The following RAB40C variants were observed in gnomAD, a reference collection of about 807,000 sequenced individuals.
RAB40C encodes the protein ras-related protein Rab-40C.
Under a neutral mutation model 28.1 loss-of-function variants are expected in RAB40C, and 8 were observed. The observed-to-expected ratio is 0.28, with a 90% CI of 0.17 to 0.51. RAB40C has a LOEUF of 0.51. Ranked by LOEUF, RAB40C falls within the 20% of genes least tolerant of loss-of-function variation. The pLI is 0.97. For synonymous variants in RAB40C, 201 were observed against 171.7 expected, an observed-to-expected ratio of 1.17 and a Z score of -1.34; for missense variants, 288 against 405.9, an observed-to-expected ratio of 0.71 and a Z score of 2.50.
At chr16:622,382 C>T (rs937498244) in intron 3 of RAB40C, among the ~76,000 whole-genome samples, 10 of 152,052 alleles carry the variant, frequency 6.6e-5, no homozygotes, top group East Asian at 1.9e-4. Context: ...ACCCCGCCCG[C>T]GAGGCATGAG....
chr16:595,062 A>G (rs56311902), intron 1 of RAB40C, among the ~76,000 whole-genome samples: 2 of 151,522 alleles, frequency 1.3e-5, no homozygotes, highest in Non-Finnish European at 2.9e-5. Context: ...CAAGTGATCC[A>G]CCTGCCTCGG....
chr16:618,354 A>C, intron 3 of RAB40C, 94 bp downstream of exon 3: 1 of 1,260,746 alleles, frequency 7.9e-7, no homozygotes, highest in Non-Finnish European at 1.1e-6. Context: ...ACTCCCAAGG[A>C]CTTTCTTTCT....
intron 1 of RAB40C, among the ~76,000 whole-genome samples, chr16:591,345 G>C (rs1202746753): frequency 6.6e-6 from 1 of 152,024 alleles, no homozygotes; most frequent in Non-Finnish European, 1.5e-5. Flanking sequence ...CCGAGGGAAG[G>C]TGTTATAGAT....
intron 3 of RAB40C, chr16:623,865 C>A: frequency 1.3e-6 from 1 of 746,400 alleles, no homozygotes; most frequent in Non-Finnish European, 1.6e-6. Context: ...CTCAGAATAT[C>A]AGGCTGCAGT....
intron 1 of RAB40C, among the ~76,000 whole-genome samples, chr16:594,694 C>G (rs185937358): frequency 5.6e-4 from 85 of 152,130 alleles, no homozygotes; most frequent in Non-Finnish European, 1.2e-3. Flanking sequence ...AGCTGTGTGT[C>G]TTTAGGTGAC....
chr16:627,855 G>C lies in RAB40C; in HGVS notation c.*233G>C. 2.1e-6 allele frequency: 1 copy of C among 478,630 alleles called. No individual in the cohort carries two copies. Among genetic ancestry groups the C allele is most frequent in the Non-Finnish European group, 3.6e-6 (1 of 281,158 alleles). The allele number at this position is 478,630 out of a possible 1,614,324, so 29.6% of individuals were successfully genotyped here. A position where few individuals can be genotyped will look rare whatever the true frequency, so the allele number is the denominator to read the frequency against. ...CTGGTGCTTCCGGGAATCTTGGTCG[G>C]AAACAAGCCGGGCCTCCCCAGCTGC... On this transcript the variant is annotated 3_prime_UTR_variant, in exon 6 of 6. Transcript: ENST00000248139.
chr16:595,813 G>A (rs574178241), intron 1 of RAB40C, among the ~76,000 whole-genome samples: 6 of 152,256 alleles, frequency 3.9e-5, no homozygotes, highest in Non-Finnish European at 5.9e-5. Flanking sequence ...GTGTTGGCCA[G>A]GCTGGTCTTG....
intron 4 of RAB40C, 28 bp from the exon 5 acceptor site, chr16:625,871 G>A: frequency 6.3e-7 from 1 of 1,590,872 alleles, no homozygotes; most frequent in Non-Finnish European, 8.6e-7. Flanking sequence ...CCCTGCGTTT[G>A]TGCGTCTGCT....
intron 1 of RAB40C, among the ~76,000 whole-genome samples, chr16:594,974 C>T (rs1030783460): frequency 6.6e-6 from 1 of 152,142 alleles, no homozygotes; most frequent in Non-Finnish European, 1.5e-5. Context: ...CGCCTGCCAC[C>T]ATGCGTGGCT....
At chr16:593,264 A>T (rs553632884) in intron 1 of RAB40C, among the ~76,000 whole-genome samples, 1 of 152,248 alleles carries the variant, frequency 6.6e-6, no homozygotes, top group Non-Finnish European at 1.5e-5. Flanking sequence ...CAAGGGGGCT[A>T]TTCAGGGTCT....
chr16:615,936 T>G (rs577713924), intron 1 of RAB40C, among the ~76,000 whole-genome samples: 1 of 151,658 alleles, frequency 6.6e-6, no homozygotes, highest in African/African-American at 2.4e-5. Context: ...CACTGCAGCC[T>G]GGGCGACAGA....
intron 3 of RAB40C, among the ~76,000 whole-genome samples, chr16:619,994 C>T (rs2036678628): frequency 6.6e-6 from 1 of 152,226 alleles, no homozygotes; most frequent in African/African-American, 2.4e-5. Flanking sequence ...CTGCAGGCTC[C>T]GTGCCATCCC....
intron 1 of RAB40C, among the ~76,000 whole-genome samples, chr16:597,385 A>G (rs990041733): frequency 2.0e-5 from 3 of 152,030 alleles, no homozygotes; most frequent in Non-Finnish European, 4.4e-5. Context: ...AAGGATTCGA[A>G]TCCTGGATGG....
chr16:619,925 A>G (rs994815721), intron 3 of RAB40C, among the ~76,000 whole-genome samples: 2 of 152,204 alleles, frequency 1.3e-5, no homozygotes, highest in African/African-American at 4.8e-5. Context: ...GCTGGGTCGC[A>G]CCCTGTCCTG....
intron 3 of RAB40C, chr16:624,599 T>TTC (rs1324950606): frequency 1.0e-6 from 1 of 985,174 alleles, no homozygotes; most frequent in Non-Finnish European, 1.2e-6. Context: ...CAGTGCCCTC[T>TTC]TCTTTCAGCC....
At chr16:597,237 G>A (rs764616127) in intron 1 of RAB40C, among the ~76,000 whole-genome samples, 1 of 152,078 alleles carries the variant, frequency 6.6e-6, no homozygotes, top group Non-Finnish European at 1.5e-5. Context: ...CTTGGTGCTG[G>A]GGGGCCTGGA....
At chr16:603,221 C>T (rs999496126) in intron 1 of RAB40C, among the ~76,000 whole-genome samples, 34 of 152,338 alleles carry the variant, frequency 2.2e-4, no homozygotes, top group African/African-American at 6.5e-4. Context: ...GCTCTAGCTT[C>T]GCAGGAAACC....
At chr16:625,090 C>G in intron 3 of RAB40C, 1 of 1,308,634 alleles carries the variant, frequency 7.6e-7, no homozygotes, top group African/African-American at 1.5e-5. Flanking sequence ...CGAGAGGACA[C>G]TTAGCTTCCA....
chr16:610,583 ATAT>A lies in RAB40C; in HGVS notation c.143-6624_143-6622del, dbSNP rs2036462680. Among the ~76,000 whole-genome samples the A allele has an allele frequency of 6.6e-6, 1 of 152,144 alleles. No homozygotes were observed. The highest frequency in any genetic ancestry group is 1.5e-5 in the Non-Finnish European group (1 of 68,008). ...TAAAAATGAACAGCACACCAAGAGAATATGTCACAGCTGATGCCTAGGGACCCC... is the reference window on the plus strand; with the variant it reads ...TAAAAATGAACAGCACACCAAGAGAAGTCACAGCTGATGCCTAGGGACCCC... On this transcript the variant is annotated intron_variant, in intron 1 of 5. Transcript: ENST00000248139. This position sits in a 1 kb window ranked among gnomAD's most constrained non-coding sequence, Gnocchi z 4.6.
Sources: allele counts gnomAD v4.1 joint callset (sites outside exome capture counted in the v4.1 genomes callset), GRCh38; gene constraint gnomAD v4.1.1; non-coding constraint Gnocchi (gnomAD v3.1); transcripts MANE v1.5; gene names NCBI Gene and HGNC (gene_info 2026-07-23, HGNC 2026-07-21).